Variants in EXOC6B observed in about 807,000 individuals in gnomAD.
EXOC6B encodes the protein SEC15 homolog B.
In EXOC6B, 54 loss-of-function variants were observed where a neutral mutation model predicts 113.5. That is an observed-to-expected ratio of 0.48 (90% CI 0.38 to 0.60). The LOEUF (loss-of-function observed/expected upper bound fraction) is 0.60, where lower values mean the gene tolerates loss of function less well. Ranked by LOEUF, EXOC6B falls within the 20% of genes least tolerant of loss-of-function variation. EXOC6B has a pLI of 0.00. For missense variants in EXOC6B, 797 were observed against 977.5 expected (o/e 0.82, Z 2.46); for synonymous variants, 357 against 339.0 (o/e 1.05, Z -0.58).
chr2:72,307,161 G>GTTTTTTTTTTTGTTTTTTTTTTTTT (rs1553371309), intron 20 of EXOC6B, among the ~76,000 whole-genome samples: 1 of 128,514 alleles, frequency 7.8e-6, no homozygotes, highest in African/African-American at 3.8e-5. Flanking sequence ...GTATAGTCCA[G>GTTTTTTTTTTTGTTTTTTTTTTTTT]TTTTTTTTTT....
chr2:72,821,416 C>A (rs1686575512), intron 1 of EXOC6B, among the ~76,000 whole-genome samples: 1 of 152,032 alleles, frequency 6.6e-6, no homozygotes, highest in African/African-American at 2.4e-5. Flanking sequence ...TCTAGCAGTT[C>A]CTCATAATGT....
At chr2:72,231,414 T>C (rs762140605) in intron 20 of EXOC6B, among the ~76,000 whole-genome samples, 3 of 152,180 alleles carry the variant, frequency 2.0e-5, no homozygotes, top group Non-Finnish European at 4.4e-5. Context: ...TTATTTCTGA[T>C]TGTGAATCAG....
At chr2:72,267,107 G>C (rs573430376) in intron 20 of EXOC6B, among the ~76,000 whole-genome samples, 35 of 152,238 alleles carry the variant, frequency 2.3e-4, no homozygotes, top group Non-Finnish European at 4.1e-4. Flanking sequence ...CATTGATTTT[G>C]TATCCTGAGA....
chr2:72,660,888 A>G (rs902292948), intron 6 of EXOC6B, among the ~76,000 whole-genome samples: 1 of 151,914 alleles, frequency 6.6e-6, no homozygotes, highest in Non-Finnish European at 1.5e-5. Context: ...GAAGTAGGCA[A>G]TGAAACTCCA....
chr2:72,560,916 G>A (rs2103707342), intron 7 of EXOC6B, among the ~76,000 whole-genome samples: 1 of 151,652 alleles, frequency 6.6e-6, no homozygotes, highest in South Asian at 2.1e-4. Context: ...GAGATGTGCA[G>A]CATGCAGTTT....
intron 1 of EXOC6B, among the ~76,000 whole-genome samples, chr2:72,765,089 C>CA (rs34596669): frequency 0.9 from 134,355 of 149,640 alleles, 60,306 homozygotes; most frequent in East Asian, 0.99. Context: ...CCCATCACTA[C>CA]AAAAAAAAAG....
intron 20 of EXOC6B, among the ~76,000 whole-genome samples, chr2:72,240,928 C>T (rs1682274234): frequency 6.6e-6 from 1 of 152,138 alleles, no homozygotes; most frequent in Non-Finnish European, 1.5e-5. Context: ...ATTGGACAAA[C>T]AGGCCGGTGG....
At chr2:72,818,666 G>C (rs535676162) in intron 1 of EXOC6B, among the ~76,000 whole-genome samples, 1 of 152,166 alleles carries the variant, frequency 6.6e-6, no homozygotes, top group Non-Finnish European at 1.5e-5. Context: ...TTCCCATAAT[G>C]CTCAGAATAA....
chr2:72,766,810 CG>C (rs1683083813), intron 1 of EXOC6B, among the ~76,000 whole-genome samples: 1 of 151,458 alleles, frequency 6.6e-6, no homozygotes, highest in Non-Finnish European at 1.5e-5. Context: ...AAAAATCAGC[CG>C]GGCGTAGTGG....
intron 1 of EXOC6B, among the ~76,000 whole-genome samples, chr2:72,757,542 T>C (rs1272882236): frequency 6.6e-6 from 1 of 152,206 alleles, no homozygotes; most frequent in African/African-American, 2.4e-5. Flanking sequence ...ATGAGCTTTG[T>C]TTCAAAGCAG....
chr2:72,522,720 T>A (rs1290017264), intron 8 of EXOC6B, among the ~76,000 whole-genome samples: 1 of 152,254 alleles, frequency 6.6e-6, no homozygotes, highest in Non-Finnish European at 1.5e-5. Flanking sequence ...GGTTTGCATT[T>A]AGCCCATTCA....
At chr2:72,756,597 T>G (rs900126631) in intron 1 of EXOC6B, among the ~76,000 whole-genome samples, 3 of 152,192 alleles carry the variant, frequency 2.0e-5, no homozygotes, top group African/African-American at 7.2e-5. Context: ...CAGCCCAAAA[T>G]TATAAAATAG....
chr2:72,797,539 T>A (rs1054464632), intron 1 of EXOC6B, among the ~76,000 whole-genome samples: 22 of 152,096 alleles, frequency 1.4e-4, no homozygotes, highest in Non-Finnish European at 2.8e-4. Context: ...TGTGGCCGGG[T>A]GCAATGGCTC....
At chr2:72,313,750 C>A (rs546858325) in intron 20 of EXOC6B, among the ~76,000 whole-genome samples, 112 of 152,174 alleles carry the variant, frequency 7.4e-4, no homozygotes, top group Non-Finnish European at 1.3e-3. Flanking sequence ...AAAATTACAG[C>A]TTTTACATTC....
At chr2:72,356,396 G>C (rs534549822) in intron 19 of EXOC6B, among the ~76,000 whole-genome samples, 1 of 152,230 alleles carries the variant, frequency 6.6e-6, no homozygotes, top group African/African-American at 2.4e-5. Flanking sequence ...GCCAGGCATG[G>C]TGGTAGATGC....
At chr2:72,360,149 A>G (rs1258152855) in intron 19 of EXOC6B, among the ~76,000 whole-genome samples, 1 of 151,546 alleles carries the variant, frequency 6.6e-6, no homozygotes, top group Non-Finnish European at 1.5e-5. Context: ...GTGCAGTGGC[A>G]CAATCTCAGC....
chr2:72,476,112 C>G (rs1423447246), intron 17 of EXOC6B, among the ~76,000 whole-genome samples: 3 of 152,198 alleles, frequency 2.0e-5, no homozygotes, highest in African/African-American at 2.4e-5. Context: ...CCAGTGCCAT[C>G]ACACAATCTC....
intron 8 of EXOC6B, among the ~76,000 whole-genome samples, chr2:72,544,904 C>A (rs1177894217): frequency 1.3e-5 from 2 of 151,914 alleles, no homozygotes; most frequent in African/African-American, 4.8e-5. Context: ...ATTCACAAAC[C>A]CTAAGCACCT....
chr2:72,243,297 T>A lies in EXOC6B; in HGVS notation c.2197-59110A>T, dbSNP rs757348564. On this transcript the variant is annotated intron_variant, in intron 20 of 21. Coordinates refer to ENST00000272427, the MANE Select transcript of EXOC6B (RefSeq NM_015189.3). ...TACTATAAAGACACATGCACACGTA[T>A]GTTTATTATGGCACTATACACAATA... Among the ~76,000 whole-genome samples, 22 of 152,326 alleles carry A rather than the reference T, an allele frequency of 1.4e-4. 1 individual carries two copies. The highest frequency in any genetic ancestry group is 7.8e-4 in the Admixed American group (12 of 15,308).
Sources: gnomAD v4.1 joint callset for allele counts (sites outside exome capture counted in the v4.1 genomes callset) on GRCh38, gnomAD v4.1.1 for gene constraint, MANE v1.5 for transcripts, NCBI Gene and HGNC (gene_info 2026-07-23, HGNC 2026-07-21) for gene names.